Variants in AKNA observed in about 807,000 individuals in gnomAD.
The protein encoded by AKNA is microtubule organization protein AKNA.
Under a neutral mutation model 138.8 loss-of-function variants are expected in AKNA, and 67 were observed. The observed-to-expected ratio is 0.48, with a 90% confidence interval of 0.40 to 0.59. AKNA has a LOEUF of 0.59. AKNA is among the 20% of genes least tolerant of loss of function. The pLI is 0.00. For synonymous variants in AKNA, 737 were observed against 754.4 expected (o/e 0.98, Z 0.38); for missense variants, 1,813 against 1,880.4 (o/e 0.96, Z 0.66).
intron 7 of AKNA, among the ~76,000 whole-genome samples, chr9:114,363,399 A>G (rs1463153708): frequency 1.3e-5 from 2 of 152,222 alleles, no homozygotes; most frequent in African/African-American, 4.8e-5. Context: ...GTCACATCTA[A>G]TCTTCTGACA....
chr9:114,331,782 G>A (rs367727253), downstream of AKNA: 77 of 1,600,440 alleles, frequency 4.8e-5, 1 homozygote, highest in African/African-American at 2.9e-4. Flanking sequence ...GCCTCCCGCC[G>A]GGCCCCACCA....
At chr9:114,351,052 G>A (rs1195500088) in intron 14 of AKNA, 31 bp from the exon 15 acceptor site, 2 of 1,606,312 alleles carry the variant, frequency 1.2e-6, no homozygotes, top group South Asian at 1.1e-5. Context: ...CCCAAAGTGA[G>A]TTTAAGCAGA....
At chr9:114,332,921 C>T (rs1030157703), downstream of AKNA, 1 of 723,068 alleles carries the variant, frequency 1.4e-6, no homozygotes, top group Non-Finnish European at 2.3e-6. Flanking sequence ...CCAAGATCAC[C>T]CAGCTGGGAA....
rs369773746 is a variant in AKNA, at chr9:114,348,727, A to G, written c.3222-827T>C. Among the ~76,000 whole-genome samples, 3 of 152,318 alleles carry G rather than the reference A, an allele frequency of 2.0e-5. No individual in the cohort carries two copies. The South Asian group carries it at 6.2e-4, about 32-fold the overall frequency. Reference sequence around the variant, plus strand: ...GTTTTGTGGGCATTGCTGACACCGCAGCAGACAATCCTACCCAGATACCCC... The same window carrying G: ...GTTTTGTGGGCATTGCTGACACCGCGGCAGACAATCCTACCCAGATACCCC... On this transcript the variant is annotated intron_variant, in intron 15 of 21. Coordinates refer to ENST00000374088, the MANE Select transcript of AKNA (RefSeq NM_001317950.2).
rs147672473 is a variant in AKNA at position 114,340,595 on chromosome 9, G to A, written c.4067+938C>T. ...AATCCTCACGCACAGGATTAAGTAC[G>A]TGGTTGAGACTCTTCCTCCATTTAA... On this transcript the variant is annotated intron_variant, in intron 21 of 21. Coordinates refer to ENST00000374088, the MANE Select transcript of AKNA (RefSeq NM_001317950.2). Among the ~76,000 whole-genome samples, 101 of 152,298 alleles carry A rather than the reference G, an allele frequency of 6.6e-4. 1 individual carries two copies. The East Asian group carries it at 0.017, about 26-fold the overall frequency.
At chr9:114,380,827 A>AAG (rs1205853059) in intron 2 of AKNA, among the ~76,000 whole-genome samples, 1 of 151,158 alleles carries the variant, frequency 6.6e-6, no homozygotes, top group African/African-American at 2.4e-5. Context: ...AAGAAAAAAA[A>AAG]AAAAATACAA....
rs767330939 is a variant in AKNA at position 114,368,523 on chromosome 9, C to A, written c.1489G>T (p.Val497Phe). 2.9e-6 allele frequency: 4 copies of A among 1,378,760 alleles called. No individual in the cohort carries two copies. Among genetic ancestry groups the A allele is most frequent in the Non-Finnish European group, 3.8e-6 (4 of 1,058,306 alleles). The allele number at this position is 1,378,760 out of a possible 1,614,324, so 85.4% of individuals were successfully genotyped here. Reference protein sequence around the residue: ...HTGMVPQGTKVLSFTIPQPRS... With the variant: ...HTGMVPQGTKFLSFTIPQPRS... Reference sequence around the variant, plus strand: ...GGCTGTGGGATGGTGAAGGACAAGACCTTGGTCCCCTGGGGCACCATTCCC... The same window carrying A: ...GGCTGTGGGATGGTGAAGGACAAGAACTTGGTCCCCTGGGGCACCATTCCC... Residue 497 changes from valine (V) to phenylalanine (F), a missense_variant, in exon 5 of 22, where the codon GTC (valine) becomes TTC (phenylalanine). Val to Phe is a conservative substitution (Grantham distance 50). Transcript: ENST00000374088.
At chr9:114,385,093 A>G (rs569222335) in intron 1 of AKNA, among the ~76,000 whole-genome samples, 1 of 152,242 alleles carries the variant, frequency 6.6e-6, no homozygotes, top group South Asian at 2.1e-4. Flanking sequence ...GTTTCAAATG[A>G]TCCTCCTGCC....
At chr9:114,351,391 C>T (rs1321418737) in intron 14 of AKNA, among the ~76,000 whole-genome samples, 1 of 152,162 alleles carries the variant, frequency 6.6e-6, no homozygotes, top group East Asian at 1.9e-4. Context: ...TCAGAGCCTC[C>T]TCTGAAATTA....
chr9:114,339,470 A>C (rs1830198555), intron 21 of AKNA, among the ~76,000 whole-genome samples: 1 of 152,192 alleles, frequency 6.6e-6, no homozygotes, highest in African/African-American at 2.4e-5. Context: ...AATTCATTCA[A>C]TCCTCAGCAC....
chr9:114,368,183 CTA>C, intron 5 of AKNA: 1 of 379,876 alleles, frequency 2.6e-6, no homozygotes, highest in Non-Finnish European at 4.6e-6. Flanking sequence ...GGACAATGCT[CTA>C]TGTTTTCAAC....
upstream of AKNA, among the ~76,000 whole-genome samples, chr9:114,396,051 CATCACGTAACTGATATAATCTAGATG>C (rs1834523951): frequency 6.6e-6 from 1 of 152,154 alleles, no homozygotes; most frequent in African/African-American, 2.4e-5. Flanking sequence ...ACTTCGACAA[CATCACGTAACTGATATAATCTAGATG>C]ATCAACAACA....
Position 114,376,458 on chromosome 9 carries a change from C to T in AKNA, c.1341+8G>A, listed in dbSNP as rs1833209885. On this transcript the variant is annotated splice_region_variant and intron_variant, in intron 3 of 21. Coordinates refer to ENST00000374088, the MANE Select transcript of AKNA (RefSeq NM_001317950.2). ...GGTGACACATCCACAGCCATGAGTCCCACTAACCTGGAGCTGATGGACCAG... is the reference window on the plus strand; with the variant it reads ...GGTGACACATCCACAGCCATGAGTCTCACTAACCTGGAGCTGATGGACCAG... 6.2e-7 allele frequency: 1 copy of T among 1,613,752 alleles called. No individual in the cohort carries two copies. Among genetic ancestry groups the T allele is most frequent in the South Asian group, 1.1e-5 (1 of 91,052 alleles).
intron 1 of AKNA, among the ~76,000 whole-genome samples, chr9:114,386,220 G>A (rs527469524): frequency 8.5e-5 from 13 of 152,334 alleles, no homozygotes; most frequent in African/African-American, 2.2e-4. Flanking sequence ...CAGGCGCTAC[G>A]TAAGATGCAA....
chr9:114,351,119 G>A (rs2131849743), intron 14 of AKNA, 98 bp from the exon 15 acceptor site: 9 of 1,285,782 alleles, frequency 7.0e-6, no homozygotes, highest in Middle Eastern at 4.9e-4. Context: ...TGAAGAGACG[G>A]TGCCTAGTTC....
intron 20 of AKNA, 63 bp from the exon 21 acceptor site, chr9:114,341,788 T>C: frequency 6.0e-6 from 9 of 1,504,070 alleles, no homozygotes; most frequent in Non-Finnish European, 3.6e-6. Flanking sequence ...CAGCCAAAGA[T>C]GGAGGGTCCA....
chr9:114,333,507 T>G (rs1829896662), downstream of AKNA, among the ~76,000 whole-genome samples: 1 of 132,800 alleles, frequency 7.5e-6, no homozygotes, highest in Non-Finnish European at 1.6e-5. Context: ...TAATACAACC[T>G]GCTGTTCTGT....
At chr9:114,364,345 T>C (rs969565857) in intron 7 of AKNA, among the ~76,000 whole-genome samples, 1 of 152,072 alleles carries the variant, frequency 6.6e-6, no homozygotes, top group African/African-American at 2.4e-5. Flanking sequence ...TTTACCACAG[T>C]CCCTGTACAC....
chr9:114,341,443 T>G, intron 21 of AKNA, 90 bp downstream of exon 21: 1 of 1,491,190 alleles, frequency 6.7e-7, no homozygotes, highest in Non-Finnish European at 9.2e-7. Context: ...AGGAGTATAC[T>G]GCATCTCAGC....
Sources: gnomAD v4.1 joint callset for allele counts (sites outside exome capture counted in the v4.1 genomes callset) on GRCh38, gnomAD v4.1.1 for gene constraint, MANE v1.5 for transcripts, NCBI Gene and HGNC (gene_info 2026-07-23, HGNC 2026-07-21) for gene names.